TMEM182: variants seen among roughly 807,000 people sequenced by gnomAD.
The protein encoded by TMEM182 is transmembrane protein 182.
TMEM182 carries 20 observed loss-of-function variants against 26.8 expected under a neutral mutation model. The observed-to-expected ratio is 0.75, with a 90% confidence interval of 0.53 to 1.09. The LOEUF (loss-of-function observed/expected upper bound fraction) is 1.09, where lower values mean the gene tolerates loss of function less well. Ranked by LOEUF, TMEM182 falls within the 50% of genes least tolerant of loss-of-function variation. The pLI is 0.00. For synonymous variants in TMEM182, 109 were observed against 102.2 expected (o/e 1.07, Z -0.40); for missense variants, 277 against 275.5 (o/e 1.01, Z -0.04).
intron 4 of TMEM182, among the ~76,000 whole-genome samples, chr2:102,813,911 TCCTTCCTC>T (rs1260540634): frequency 2.0e-5 from 3 of 152,000 alleles, no homozygotes; most frequent in South Asian, 2.1e-4. Flanking sequence ...CCTCCTTCCT[TCCTTCCTC>T]CCTTCCTCCC....
chr2:102,827,150 C>T (rs1489904124), intron 3 of TMEM182, among the ~76,000 whole-genome samples: 1 of 152,296 alleles, frequency 6.6e-6, no homozygotes, highest in East Asian at 1.9e-4. Flanking sequence ...AGTGCAGCAT[C>T]GCCAGGCACC....
intron 4 of TMEM182, among the ~76,000 whole-genome samples, chr2:102,802,235 C>G (rs922114326): frequency 6.6e-6 from 1 of 152,220 alleles, no homozygotes; most frequent in African/African-American, 2.4e-5. Flanking sequence ...ATCAGCAGCA[C>G]TGTGTTTAGA....
intron 1 of TMEM182, among the ~76,000 whole-genome samples, chr2:102,738,292 G>A (rs2732827): frequency 0.48 from 73,556 of 151,920 alleles, 18,667 homozygotes; most frequent in African/African-American, 0.65. Context: ...TCTCATACAC[G>A]CCAAAAGAAT....
At chr2:102,814,690 G>A (rs1177154797) in intron 4 of TMEM182, 58 bp from the exon 5 acceptor site, 5 of 1,484,052 alleles carry the variant, frequency 3.4e-6, no homozygotes, top group East Asian at 2.4e-5. Context: ...GGTTTAGATA[G>A]CGTTCTTGAG....
intron 3 of TMEM182, among the ~76,000 whole-genome samples, chr2:102,831,911 C>G (rs935570602): frequency 6.6e-6 from 1 of 152,208 alleles, no homozygotes; most frequent in African/African-American, 2.4e-5. Flanking sequence ...AGGCATTCTC[C>G]TTGTGACAAT....
intron 2 of TMEM182, among the ~76,000 whole-genome samples, chr2:102,763,820 T>C (rs1680312291): frequency 6.6e-6 from 1 of 152,234 alleles, no homozygotes; most frequent in South Asian, 2.1e-4. Context: ...TAAAAGTGCC[T>C]TCTTGTGATG....
chr2:102,824,474 T>C (rs1370300234), intron 3 of TMEM182, among the ~76,000 whole-genome samples: 1 of 152,126 alleles, frequency 6.6e-6, no homozygotes, highest in Non-Finnish European at 1.5e-5. Context: ...GATTTGGTTG[T>C]TTAAAAGTGT....
chr2:102,745,686 T>G (rs986421079), intron 1 of TMEM182, among the ~76,000 whole-genome samples: 1 of 152,154 alleles, frequency 6.6e-6, no homozygotes, highest in Admixed American at 6.5e-5. Flanking sequence ...ACTTTCTGTC[T>G]CTATATATTT....
intron 3 of TMEM182, among the ~76,000 whole-genome samples, chr2:102,793,594 A>G (rs1681738719): frequency 6.6e-6 from 1 of 152,184 alleles, no homozygotes; most frequent in African/African-American, 2.4e-5. Flanking sequence ...ATGGCATAGT[A>G]TTTGCATATA....
chr2:102,791,158 A>T (rs1454120564), intron 3 of TMEM182, among the ~76,000 whole-genome samples: 1 of 151,846 alleles, frequency 6.6e-6, no homozygotes, highest in East Asian at 1.9e-4. Context: ...CTGGTCTTGA[A>T]CTCCTGACCA....
intron 3 of TMEM182, among the ~76,000 whole-genome samples, chr2:102,785,988 G>A (rs994862137): frequency 6.6e-6 from 1 of 150,420 alleles, no homozygotes; most frequent in Non-Finnish European, 1.5e-5. Context: ...GTCTTAAAAT[G>A]TTCCTATCAT....
chr2:102,738,664 G>C (rs13029127), intron 1 of TMEM182, among the ~76,000 whole-genome samples: 1 of 152,132 alleles, frequency 6.6e-6, no homozygotes, highest in Non-Finnish European at 1.5e-5. Flanking sequence ...ACCTGGGGGA[G>C]AGATTTCTAA....
chr2:102,738,546 C>T (rs998968798), intron 1 of TMEM182, among the ~76,000 whole-genome samples: 3 of 152,152 alleles, frequency 2.0e-5, no homozygotes, highest in African/African-American at 7.2e-5. Flanking sequence ...GAGCTGAGAT[C>T]GCCCCACTGC....
chr2:102,841,310 G>A (rs1291637906), intron 3 of TMEM182, among the ~76,000 whole-genome samples: 5 of 152,146 alleles, frequency 3.3e-5, no homozygotes, highest in South Asian at 2.1e-4. Flanking sequence ...TACACCAACC[G>A]TGCAGAAGCG....
chr2:102,837,996 G>T (rs1683277720), intron 3 of TMEM182, among the ~76,000 whole-genome samples: 1 of 152,202 alleles, frequency 6.6e-6, no homozygotes, highest in African/African-American at 2.4e-5. Context: ...TAAACAAAGT[G>T]CAGGGCCCTT....
At chr2:102,800,658 CT>C (rs113982884) in intron 4 of TMEM182, among the ~76,000 whole-genome samples, 92 of 147,210 alleles carry the variant, frequency 6.2e-4, no homozygotes, top group Middle Eastern at 3.5e-3. Context: ...TTTTTCCTTG[CT>C]TTTTTTTTTG....
intron 3 of TMEM182, among the ~76,000 whole-genome samples, chr2:102,835,042 G>C (rs1003326782): frequency 1.6e-4 from 24 of 152,144 alleles, no homozygotes; most frequent in East Asian, 5.8e-4. Flanking sequence ...AAGCAATTGT[G>C]GGGGGCGGGG....
chr2:102,816,546 T>TAAA lies in TMEM182; in HGVS notation c.*1579_*1581dup, dbSNP rs986722064. 1 of 971,146 alleles carries TAAA rather than the reference T, an allele frequency of 1.0e-6. No homozygotes were observed. The highest frequency in any genetic ancestry group is 1.8e-5 in the African/African-American group (1 of 56,538). 60.2% of individuals were successfully genotyped at this position (971,146 alleles called of 1,614,324 possible). A position where few individuals can be genotyped will look rare whatever the true frequency, so the allele number is the denominator to read the frequency against. On this transcript the variant is annotated 3_prime_UTR_variant, in exon 5 of 5. Coordinates refer to ENST00000412401, the MANE Select transcript of TMEM182 (RefSeq NM_144632.5). The stretch of plus-strand genomic sequence containing the variant: ...ATAATAATAATAATAATAATAATAA[T>TAAA]AAAGCTCCAGAGGCCTAACTGGTTT...
intron 3 of TMEM182, among the ~76,000 whole-genome samples, chr2:102,766,776 AT>A (rs1164160532): frequency 2.0e-5 from 3 of 152,210 alleles, no homozygotes; most frequent in Non-Finnish European, 4.4e-5. Flanking sequence ...TGAAAGTATC[AT>A]TTATAAATTC....
Sources: gnomAD v4.1 joint callset for allele counts (sites outside exome capture counted in the v4.1 genomes callset) on GRCh38, gnomAD v4.1.1 for gene constraint, MANE v1.5 for transcripts, NCBI Gene and HGNC (gene_info 2026-07-23, HGNC 2026-07-21) for gene names.